SAMD4A: variants seen among roughly 807,000 people sequenced by gnomAD.
SAMD4A encodes protein Smaug homolog 1.
A neutral mutation model predicts 81.3 loss-of-function variants in SAMD4A; 33 were observed. The ratio of observed to expected loss-of-function variants is 0.41; its 90% CI spans 0.31 to 0.54. The LOEUF (loss-of-function observed/expected upper bound fraction) is 0.54, where lower values mean the gene tolerates loss of function less well. Among genes scored for constraint, SAMD4A ranks in the 20% least tolerant of loss-of-function variants. The pLI, the probability that SAMD4A is intolerant of heterozygous loss-of-function variation, is 0.37. For missense variants in SAMD4A, 854 were observed against 951.1 expected (o/e 0.90, Z 1.34); for synonymous variants, 389 against 382.1 (o/e 1.02, Z -0.21).
Position 54,737,077 on chromosome 14 carries a change from C to A in SAMD4A, c.769C>A (p.Pro257Thr). 1 of 1,614,104 alleles carries A rather than the reference C, an allele frequency of 6.2e-7. No homozygotes were observed. Among genetic ancestry groups the A allele is most frequent in the South Asian group, 1.1e-5 (1 of 91,076 alleles). ...TTTGAAACGATCTGTGTCCCTTACC[C>A]CACCCATGAATGTGCCAAACCAGCC... is the stretch of plus-strand genomic sequence containing the variant. ...SPLKRSVSLT[P>T]PMNVPNQPLG... The change falls in exon 4 of 13, where the codon CCA (proline) becomes ACA (threonine). Residue 257 changes from proline (P) to threonine (T), a missense_variant. Pro to Thr is a conservative substitution (Grantham distance 38, BLOSUM62 -1). Coordinates refer to ENST00000554335, the MANE Select transcript of SAMD4A (RefSeq NM_015589.6).
Position 54,792,372 on chromosome 14 carries a change from C to T in SAMD4A, c.*3428C>T. 1 of 152,290 alleles carries T rather than the reference C, an allele frequency of 6.6e-6. No homozygotes were observed. Among genetic ancestry groups the T allele is most frequent in the Non-Finnish European group, 1.5e-5 (1 of 68,052 alleles). 9.4% of individuals were successfully genotyped at this position (152,290 alleles called of 1,614,324 possible). A position where few individuals can be genotyped will look rare whatever the true frequency, so the allele number is the denominator to read the frequency against. On this transcript the variant is annotated 3_prime_UTR_variant, in exon 13 of 13. Coordinates refer to ENST00000554335, the MANE Select transcript of SAMD4A (RefSeq NM_015589.6). ...GAAACAAGGGTTTCTTTTGAGGTGT[C>T]CTTGGCTGCCTTTTACGGGATGGGA...
intron 2 of SAMD4A, among the ~76,000 whole-genome samples, chr14:54,657,427 C>G (rs143262240): frequency 1.4e-3 from 213 of 152,286 alleles, no homozygotes; most frequent in African/African-American, 5.0e-3. Flanking sequence ...CTAGAATTAA[C>G]GATGTAATTG....
intron 3 of SAMD4A, among the ~76,000 whole-genome samples, chr14:54,717,219 T>C (rs1325575207): frequency 2.0e-5 from 3 of 151,952 alleles, no homozygotes; most frequent in Non-Finnish European, 4.4e-5. Context: ...GCGGGGAGGA[T>C]TGCCTGAGTG....
At chr14:54,736,628 A>G (rs2037701090) in intron 3 of SAMD4A, among the ~76,000 whole-genome samples, 4 of 152,236 alleles carry the variant, frequency 2.6e-5, no homozygotes, top group Admixed American at 2.0e-4. Flanking sequence ...TGTTTAAAAA[A>G]CAACAGCAAC....
intron 2 of SAMD4A, among the ~76,000 whole-genome samples, chr14:54,572,269 C>T (rs1437207914): frequency 1.3e-5 from 2 of 152,098 alleles, no homozygotes; most frequent in Non-Finnish European, 2.9e-5. Flanking sequence ...AACCTAGCCA[C>T]TTATTGCCTG....
chr14:54,735,209 C>T (rs977129681), intron 3 of SAMD4A: 3 of 39,062 alleles, frequency 7.7e-5, no homozygotes, highest in Non-Finnish European at 1.8e-4. Context: ...GCTGCCGCTT[C>T]GTTTTTTTTT....
At chr14:54,780,616 GATAA>G (rs954735314) in intron 11 of SAMD4A, among the ~76,000 whole-genome samples, 35 of 152,308 alleles carry the variant, frequency 2.3e-4, no homozygotes, top group Non-Finnish European at 4.4e-5. Flanking sequence ...TAGGGAGATT[GATAA>G]ATAAATCAAT....
intron 2 of SAMD4A, among the ~76,000 whole-genome samples, chr14:54,607,706 G>A (rs563623265): frequency 1.4e-3 from 210 of 151,938 alleles, no homozygotes; most frequent in African/African-American, 3.8e-3. Flanking sequence ...CGCCCGCCTC[G>A]GCCTCCCAAA....
At chr14:54,749,105 A>G (rs2038035681) in intron 5 of SAMD4A, among the ~76,000 whole-genome samples, 181 bp downstream of exon 5, 1 of 152,158 alleles carries the variant, frequency 6.6e-6, no homozygotes, top group Admixed American at 6.6e-5. Context: ...TCTTGCCTTC[A>G]GGGTCCAATA....
At chr14:54,769,824 GA>G (rs2038653489) in intron 8 of SAMD4A, among the ~76,000 whole-genome samples, 1 of 152,230 alleles carries the variant, frequency 6.6e-6, no homozygotes, top group South Asian at 2.1e-4. Flanking sequence ...AGTCAGGAGG[GA>G]GGGGGAATGT....
intron 9 of SAMD4A, among the ~76,000 whole-genome samples, chr14:54,774,412 T>G (rs12880192): frequency 0.047 from 7,215 of 152,200 alleles, 330 homozygotes; most frequent in African/African-American, 0.12. Flanking sequence ...ACTGTCAAAA[T>G]GTGAGCAGAG....
chr14:54,665,896 G>A (rs573262424), intron 2 of SAMD4A, among the ~76,000 whole-genome samples: 23 of 152,178 alleles, frequency 1.5e-4, no homozygotes, highest in African/African-American at 5.3e-4. Flanking sequence ...TTTTCCTTAC[G>A]TTTAGCAATA....
At chr14:54,672,616 A>G (rs1288541902) in intron 2 of SAMD4A, among the ~76,000 whole-genome samples, 2 of 152,344 alleles carry the variant, frequency 1.3e-5, no homozygotes, top group East Asian at 1.9e-4. Flanking sequence ...AAAGGTTATC[A>G]TGAATTTTTT....
intron 5 of SAMD4A, among the ~76,000 whole-genome samples, chr14:54,750,335 A>G (rs143057235): frequency 6.6e-6 from 1 of 152,212 alleles, no homozygotes; most frequent in South Asian, 2.1e-4. Flanking sequence ...TCTAGTAAAG[A>G]TGTTGTTGAT....
chr14:54,784,374 C>T (rs776693481), intron 11 of SAMD4A, 163 bp from the exon 12 acceptor site: 1 of 1,565,882 alleles, frequency 6.4e-7, no homozygotes, highest in Non-Finnish European at 8.7e-7. Flanking sequence ...GTTTAACAGA[C>T]CTTAGAGGTT....
intron 3 of SAMD4A, among the ~76,000 whole-genome samples, chr14:54,708,190 A>G (rs1239595997): frequency 6.6e-6 from 1 of 152,222 alleles, no homozygotes; most frequent in Non-Finnish European, 1.5e-5. Flanking sequence ...CTCTAGATAT[A>G]TTTTGAAAAT....
At chr14:54,582,959 TTTTGAGACAGAGTCTCTC>T (rs2033511772) in intron 2 of SAMD4A, among the ~76,000 whole-genome samples, 1 of 152,176 alleles carries the variant, frequency 6.6e-6, no homozygotes, top group Non-Finnish European at 1.5e-5. Flanking sequence ...TTTTTTTCTT[TTTTGAGACAGAGTCTCTC>T]TTTGTCACCA....
At chr14:54,619,057 AG>A (rs1177727947) in intron 2 of SAMD4A, among the ~76,000 whole-genome samples, 3 of 152,028 alleles carry the variant, frequency 2.0e-5, no homozygotes, top group Admixed American at 6.5e-5. Context: ...GTAAATTTAT[AG>A]AATCATTTCC....
intron 2 of SAMD4A, among the ~76,000 whole-genome samples, chr14:54,678,738 C>T (rs927515921): frequency 4.0e-5 from 6 of 151,898 alleles, no homozygotes; most frequent in Non-Finnish European, 8.8e-5. Flanking sequence ...TTAGTAGAGA[C>T]GGGGTTTCAC....
Sources: gnomAD v4.1 joint callset for allele counts (sites outside exome capture counted in the v4.1 genomes callset) on GRCh38, gnomAD v4.1.1 for gene constraint, MANE v1.5 for transcripts, NCBI Gene and HGNC (gene_info 2026-07-23, HGNC 2026-07-21) for gene names.